PALLD: variants seen among roughly 807,000 people sequenced by gnomAD.
PALLD encodes palladin, cytoskeletal associated protein.
Under a neutral mutation model 123.5 loss-of-function variants are expected in PALLD, and 61 were observed. The ratio of observed to expected loss-of-function variants is 0.49; its 90% CI spans 0.40 to 0.61. The LOEUF is 0.61. Ranked by LOEUF, PALLD falls within the 20% of genes least tolerant of loss-of-function variation. PALLD has a pLI of 0.00. For synonymous variants in PALLD, 465 were observed against 496.4 expected (o/e 0.94, Z 0.84); for missense variants, 1,273 against 1,377.0 (o/e 0.92, Z 1.20).
chr4:168,603,669 TC>T (rs1005598227), intron 2 of PALLD, among the ~76,000 whole-genome samples: 1 of 152,164 alleles, frequency 6.6e-6, no homozygotes, highest in African/African-American at 2.4e-5. Context: ...TAGGTGTCAT[TC>T]TCTTCGTTAA....
At chr4:168,585,346 T>C (rs1561274978) in intron 2 of PALLD, among the ~76,000 whole-genome samples, 3 of 151,772 alleles carry the variant, frequency 2.0e-5, no homozygotes, top group Admixed American at 2.0e-4. Context: ...GAGGAAATGA[T>C]TAACCCATTT....
chr4:168,915,616 T>A (rs1304251802), intron 16 of PALLD, among the ~76,000 whole-genome samples: 1 of 152,200 alleles, frequency 6.6e-6, no homozygotes, highest in Non-Finnish European at 1.5e-5. Flanking sequence ...TTTAAAAATA[T>A]TTAGGAAAAA....
At position 168,926,245 on chromosome 4, in the gene PALLD, C is replaced by T; in HGVS notation, c.*65C>T. 6.5e-7 allele frequency: 1 copy of T among 1,536,208 alleles called. No homozygotes were observed. The highest frequency in any genetic ancestry group is 8.7e-7 in the Non-Finnish European group (1 of 1,146,348). The stretch of plus-strand genomic sequence containing the variant: ...GCATCAGCAGTCACAGAGCACCAAG[C>T]CAAAAAAAGTACGGCCCTCAGCCAG... On this transcript the variant is annotated 3_prime_UTR_variant, in exon 22 of 22. Coordinates refer to ENST00000505667, the MANE Select transcript of PALLD (RefSeq NM_001166108.2).
intron 2 of PALLD, among the ~76,000 whole-genome samples, chr4:168,615,317 A>G (rs533311316): frequency 2.0e-5 from 3 of 152,324 alleles, no homozygotes; most frequent in Non-Finnish European, 4.4e-5. Context: ...TGTGGCATAT[A>G]CCACAAAGGG....
intron 8 of PALLD, among the ~76,000 whole-genome samples, chr4:168,703,581 A>G (rs1255412810): frequency 1.0e-4 from 13 of 126,616 alleles, no homozygotes; most frequent in Non-Finnish European, 1.9e-4. Context: ...TTGTTTCCTG[A>G]CTTTTTAATG....
intron 10 of PALLD, among the ~76,000 whole-genome samples, chr4:168,731,260 AC>A (rs1219095917): frequency 2.6e-5 from 4 of 152,234 alleles, no homozygotes; most frequent in Non-Finnish European, 5.9e-5. Context: ...GAAGCAAGGA[AC>A]AAAAATAAAC....
chr4:168,811,117 C>T (rs28414100), intron 10 of PALLD, among the ~76,000 whole-genome samples: 1 of 152,184 alleles, frequency 6.6e-6, no homozygotes, highest in Non-Finnish European at 1.5e-5. Flanking sequence ...TACAGTGAAT[C>T]TTCCAAGGAA....
chr4:168,691,256 A>G lies in PALLD; in HGVS notation c.1478-13A>G, dbSNP rs765050681. 1 of 1,604,514 alleles carries G rather than the reference A, an allele frequency of 6.2e-7. No individual in the cohort carries two copies. The highest frequency in any genetic ancestry group is 8.5e-7 in the Non-Finnish European group (1 of 1,172,078). On this transcript the variant is annotated splice_polypyrimidine_tract_variant and intron_variant, in intron 7 of 21. Coordinates refer to ENST00000505667, the MANE Select transcript of PALLD (RefSeq NM_001166108.2). ...TACTTTGTTCTAATTTATTTTTTTCATGTGGCAAACAGAACCTAGATCTAC... is the reference window on the plus strand; with the variant it reads ...TACTTTGTTCTAATTTATTTTTTTCGTGTGGCAAACAGAACCTAGATCTAC...
intron 10 of PALLD, among the ~76,000 whole-genome samples, chr4:168,798,193 C>G (rs531917110): frequency 6.6e-6 from 1 of 152,254 alleles, no homozygotes; most frequent in South Asian, 2.1e-4. Flanking sequence ...TTATCTGTGC[C>G]TCCCCAGTTG....
At chr4:168,883,142 A>G (rs1333101384) in intron 10 of PALLD, among the ~76,000 whole-genome samples, 1 of 151,940 alleles carries the variant, frequency 6.6e-6, no homozygotes, top group Middle Eastern at 3.2e-3. Context: ...TTTTTAAAGA[A>G]CCCAAAATAT....
At chr4:168,799,286 T>G (rs1218430112) in intron 10 of PALLD, among the ~76,000 whole-genome samples, 1 of 152,212 alleles carries the variant, frequency 6.6e-6, no homozygotes, top group South Asian at 2.1e-4. Flanking sequence ...CCACAAGGAC[T>G]CAAATACAGA....
rs778134231 is a variant in PALLD, at chr4:168,924,373, T to A, written c.3177T>A (p.Phe1059Leu). The A allele has an allele frequency of 2.5e-6, 4 of 1,613,796 alleles. No individual in the cohort carries two copies. The highest frequency in any genetic ancestry group is 3.4e-6 in the Non-Finnish European group (4 of 1,179,912). ...TGGGAGTGCCACCACCTCAGATATTTTGGAAGAAAGAAAATGAATCACTCA... is the reference window on the plus strand; with the variant it reads ...TGGGAGTGCCACCACCTCAGATATTATGGAAGAAAGAAAATGAATCACTCA... ...RVLGVPPPQI[F>L]WKKENESLTH... Residue 1059 changes from phenylalanine (F) to leucine (L), a missense_variant, in exon 19 of 22, where the codon TTT (phenylalanine) becomes TTA (leucine). Physicochemically the swap from Phe to Leu is conservative, Grantham distance 22 (BLOSUM62 0). This residue lies in a region of PALLD where 329 missense variants were observed against 422.5 expected (regional missense o/e 0.78). Transcript: ENST00000505667.
rs1762698728 is a variant in PALLD, at chr4:168,927,401, T to G, written c.*1221T>G. 1 of 232,924 alleles carries G rather than the reference T, an allele frequency of 4.3e-6. No homozygotes were observed. The highest frequency in any genetic ancestry group is 2.2e-5 in the African/African-American group (1 of 45,430). The allele number at this position is 232,924 out of a possible 1,614,324, so 14.4% of individuals were successfully genotyped here. ...CTGGAAGTGTGGAGCACACATGCTG[T>G]GGAGCACACATGCTGTGGAGATTGC... On this transcript the variant is annotated 3_prime_UTR_variant, in exon 22 of 22. Coordinates refer to ENST00000505667, the MANE Select transcript of PALLD (RefSeq NM_001166108.2).
chr4:168,534,498 C>T (rs1374225818), intron 2 of PALLD, among the ~76,000 whole-genome samples: 1 of 152,114 alleles, frequency 6.6e-6, no homozygotes, highest in Non-Finnish European at 1.5e-5. Flanking sequence ...AGATCTATGA[C>T]CTATAAAATA....
chr4:168,744,756 A>G (rs541091776), intron 10 of PALLD, among the ~76,000 whole-genome samples: 38 of 152,208 alleles, frequency 2.5e-4, no homozygotes, highest in Non-Finnish European at 4.6e-4. Flanking sequence ...AAGTATAACC[A>G]TTCTGTTTGT....
chr4:168,598,738 G>T (rs1772243880), intron 2 of PALLD: 2 of 411,474 alleles, frequency 4.9e-6, no homozygotes, highest in Admixed American at 2.8e-5. Context: ...CTGGACCTGA[G>T]CCTGAAGTTT....
chr4:168,900,958 T>C (rs1756385962), intron 14 of PALLD, among the ~76,000 whole-genome samples: 1 of 152,260 alleles, frequency 6.6e-6, no homozygotes, highest in South Asian at 2.1e-4. Context: ...TCTAAGATTA[T>C]TGATTCTTAT....
intron 4 of PALLD, among the ~76,000 whole-genome samples, chr4:168,682,330 A>G (rs1286230996): frequency 1.3e-5 from 2 of 152,212 alleles, no homozygotes; most frequent in Non-Finnish European, 2.9e-5. Flanking sequence ...AGTGATGCTT[A>G]AAGGATCTTC....
At chr4:168,639,501 T>C (rs1237628962) in intron 2 of PALLD, among the ~76,000 whole-genome samples, 1 of 152,092 alleles carries the variant, frequency 6.6e-6, no homozygotes, top group Non-Finnish European at 1.5e-5. Flanking sequence ...TACTTAAACC[T>C]GTTCACTCCT....
Sources: gnomAD v4.1 joint callset for allele counts (sites outside exome capture counted in the v4.1 genomes callset) on GRCh38, gnomAD v4.1.1 for gene constraint, gnomAD v4.1.1 regional missense constraint, MANE v1.5 for transcripts, NCBI Gene and HGNC (gene_info 2026-07-23, HGNC 2026-07-21) for gene names.